MCF2L2: variants seen among roughly 807,000 people sequenced by gnomAD.
MCF2L2 encodes the protein probable guanine nucleotide exchange factor MCF2L2.
In MCF2L2, 102 loss-of-function variants were observed where a neutral mutation model predicts 150.2. That is an observed-to-expected ratio of 0.68 (90% CI 0.58 to 0.80). The LOEUF (loss-of-function observed/expected upper bound fraction) is 0.80, where lower values mean the gene tolerates loss of function less well. Among genes scored for constraint, MCF2L2 ranks in the 30% least tolerant of loss-of-function variants. The pLI is 0.00. For missense variants in MCF2L2, 1,256 were observed against 1,372.8 expected, an observed-to-expected ratio of 0.91 and a Z score of 1.34; for synonymous variants, 465 against 491.3, an observed-to-expected ratio of 0.95 and a Z score of 0.71.
rs143793459 is a variant in MCF2L2, at chr3:183,206,742, G to A, written c.2713-528C>T. Reference sequence around the variant, plus strand: ...CAAAATTAGCTGGGCATGCTGGTGCGTGCCTGTAATCCCAGCTACCTGGGA... The same window carrying A: ...CAAAATTAGCTGGGCATGCTGGTGCATGCCTGTAATCCCAGCTACCTGGGA... On this transcript the variant is annotated intron_variant, in intron 23 of 29. Coordinates refer to ENST00000328913, the MANE Select transcript of MCF2L2 (RefSeq NM_015078.4). Among the ~76,000 whole-genome samples the A allele has an allele frequency of 9.1e-3, 1,392 of 152,148 alleles. 23 individuals carry two copies. The highest frequency in any genetic ancestry group is 0.03 in the African/African-American group (1,247 of 41,490).
At position 183,180,057 on chromosome 3, in the gene MCF2L2, A is replaced by T; in HGVS notation, c.3105+14T>A. 1.2e-6 allele frequency: 2 copies of T among 1,601,812 alleles called. No individual in the cohort carries two copies. The highest frequency in any genetic ancestry group is 1.7e-6 in the Non-Finnish European group (2 of 1,168,966). ...GAGGGAAGAAGATGAAAGAAACAAA[A>T]GGGAAGTAATTACACTCAGAGCACT... On this transcript the variant is annotated intron_variant, in intron 28 of 29. Transcript: ENST00000328913.
At position 183,223,517 on chromosome 3, in the gene MCF2L2, A is replaced by G; in HGVS notation, c.2209-79T>C. ...TAAAAGTGGCAGCATTTAGGTACAA[A>G]ACACAAAATTGCTTTTCCTGGACAA... On this transcript the variant is annotated intron_variant, in intron 19 of 29. Transcript: ENST00000328913. The G allele has an allele frequency of 2.8e-6, 3 of 1,088,022 alleles. No homozygotes were observed. The South Asian group carries it at 3.8e-5, about 14-fold the overall frequency. 67.4% of individuals were successfully genotyped at this position (1,088,022 alleles called of 1,614,324 possible). A position where few individuals can be genotyped will look rare whatever the true frequency, so the allele number is the denominator to read the frequency against.
chr3:183,350,036 T>TCCCC (rs1731050935), intron 3 of MCF2L2, among the ~76,000 whole-genome samples: 1 of 152,194 alleles, frequency 6.6e-6, no homozygotes, highest in Admixed American at 6.5e-5. Flanking sequence ...CTGGCATATA[T>TCCCC]GGTCTCCCCG....
chr3:183,428,280 C>T lies in MCF2L2; in HGVS notation c.-303G>A. 2.9e-6 allele frequency: 1 copy of T among 347,242 alleles called. No individual in the cohort carries two copies. Among genetic ancestry groups the T allele is most frequent in the South Asian group, 3.4e-5 (1 of 29,696 alleles). 21.5% of individuals were successfully genotyped at this position (347,242 alleles called of 1,614,324 possible). ...TCTCGCCGGAACCGCGCCCCGGCTC[C>T]TCCGGCCGGGCGAGCTCCGGGGCTT... On this transcript the variant is annotated 5_prime_UTR_variant, in exon 1 of 30. Transcript: ENST00000328913. The surrounding 1 kb of genome is among the most constrained non-coding windows in gnomAD (Gnocchi z 5.1).
At chr3:183,226,012 G>A (rs561224013) in intron 18 of MCF2L2, 1 of 152,170 alleles carries the variant, frequency 6.6e-6, no homozygotes, top group South Asian at 2.1e-4. Flanking sequence ...ATATCAGTGT[G>A]AGCACCCATT....
intron 26 of MCF2L2, among the ~76,000 whole-genome samples, chr3:183,193,357 C>T (rs796503284): frequency 9.3e-5 from 13 of 139,492 alleles, no homozygotes; most frequent in South Asian, 2.2e-4. Flanking sequence ...CTTTTTCTTT[C>T]TTTTTTTTTT....
chr3:183,180,401 A>T, intron 27 of MCF2L2: 1 of 430,420 alleles, frequency 2.3e-6, no homozygotes, highest in Non-Finnish European at 4.1e-6. Flanking sequence ...TCATGGCCCT[A>T]CCTCCCCGTT....
intron 1 of MCF2L2, among the ~76,000 whole-genome samples, chr3:183,417,103 G>A (rs753117817): frequency 1.6e-4 from 17 of 104,766 alleles, no homozygotes; most frequent in Admixed American, 8.4e-4. Flanking sequence ...GCAACAGAGT[G>A]AGACTCTGTC....
intron 15 of MCF2L2, among the ~76,000 whole-genome samples, chr3:183,261,299 A>G (rs1576985539): frequency 6.6e-6 from 1 of 152,184 alleles, no homozygotes; most frequent in African/African-American, 2.4e-5. Context: ...GGTCCTAGCT[A>G]TACTTAACAG....
chr3:183,404,916 G>T (rs1714964902), intron 1 of MCF2L2, among the ~76,000 whole-genome samples: 1 of 152,024 alleles, frequency 6.6e-6, no homozygotes, highest in African/African-American at 2.4e-5. Context: ...TCTGACTAAA[G>T]ATGCTCCTTG....
At chr3:183,364,503 G>C (rs182048972) in intron 3 of MCF2L2, among the ~76,000 whole-genome samples, 1 of 152,040 alleles carries the variant, frequency 6.6e-6, no homozygotes, top group Admixed American at 6.6e-5. Flanking sequence ...CTGGGCAACA[G>C]AGCGAGACTC....
chr3:183,219,871 T>C lies in MCF2L2; in HGVS notation c.2355A>G (p.Leu785=). Residue 785 remains leucine (L), a synonymous_variant, in exon 21 of 30, where the codon CTA becomes CTG. Transcript: ENST00000328913. ...PEDMEIDPGE[L]GGSAKDGPKR... is the part of the protein sequence containing the mutation. ...TATTGAGTACCTTAGCCGAGCCTCC[T>C]AGTTCACCTGGGTCTATCTCCATAT... The C allele has an allele frequency of 6.2e-7, 1 of 1,612,672 alleles. No individual in the cohort carries two copies. Among genetic ancestry groups the C allele is most frequent in the Non-Finnish European group, 8.5e-7 (1 of 1,178,726 alleles).
rs41443045 is a variant in MCF2L2, at chr3:183,219,917, A to G, written c.2309T>C (p.Leu770Pro). 9 of 1,612,944 alleles carry G rather than the reference A, an allele frequency of 5.6e-6. No individual in the cohort carries two copies. Among genetic ancestry groups the G allele is most frequent in the Non-Finnish European group, 7.6e-6 (9 of 1,179,134 alleles). The stretch of plus-strand genomic sequence containing the variant: ...CATATCTTCAGGAGACTCGAAATCC[A>G]GCAGACCCTGCATTAACCCAAAAGT... ...IKYQMLLKGL[L>P]DFESPEDMEI... The change falls in exon 21 of 30, where the codon CTG becomes CCG. Residue 770 changes from leucine (L) to proline (P), a missense_variant. Physicochemically the swap from Leu to Pro is moderately conservative, Grantham distance 98. Coordinates refer to ENST00000328913, the MANE Select transcript of MCF2L2 (RefSeq NM_015078.4).
intron 13 of MCF2L2, among the ~76,000 whole-genome samples, chr3:183,289,627 G>C (rs945534437): frequency 1.3e-5 from 2 of 152,112 alleles, no homozygotes; most frequent in Non-Finnish European, 2.9e-5. Flanking sequence ...AGGCTGAGGC[G>C]GGCAGATCAC....
chr3:183,348,204 T>A (rs1239124005), intron 3 of MCF2L2, among the ~76,000 whole-genome samples: 1 of 152,162 alleles, frequency 6.6e-6, no homozygotes, highest in Non-Finnish European at 1.5e-5. Flanking sequence ...ATATACACCA[T>A]AGAATACTAT....
intron 3 of MCF2L2, among the ~76,000 whole-genome samples, chr3:183,358,159 C>T (rs373079590): frequency 1.2e-4 from 19 of 152,144 alleles, no homozygotes; most frequent in African/African-American, 4.6e-4. Flanking sequence ...GGCATGATGG[C>T]GGGCACCTGT....
At chr3:183,295,160 C>T in intron 13 of MCF2L2, 140 bp downstream of exon 13, 1 of 798,814 alleles carries the variant, frequency 1.3e-6, no homozygotes, top group Non-Finnish European at 2.0e-6. Context: ...TCCATGTCTG[C>T]ACTATGCTAT....
intron 8 of MCF2L2, 146 bp downstream of exon 8, chr3:183,311,502 T>C (rs1315523415): frequency 2.2e-6 from 2 of 896,044 alleles, no homozygotes; most frequent in East Asian, 2.5e-5. Flanking sequence ...GGACGTATTC[T>C]TTTTTCCTTT....
chr3:183,348,070 TA>T (rs1730968890), intron 3 of MCF2L2, among the ~76,000 whole-genome samples: 1 of 152,180 alleles, frequency 6.6e-6, no homozygotes, highest in Admixed American at 6.5e-5. Flanking sequence ...CAAAGGATTA[TA>T]AATCATTCTA....
Sources: gnomAD v4.1 joint callset for allele counts (sites outside exome capture counted in the v4.1 genomes callset) on GRCh38, gnomAD v4.1.1 for gene constraint, Gnocchi (gnomAD v3.1) non-coding constraint, MANE v1.5 for transcripts, NCBI Gene and HGNC (gene_info 2026-07-23, HGNC 2026-07-21) for gene names.